Variants in ADCY2 observed in about 807,000 individuals in gnomAD.
The protein encoded by ADCY2 is adenylate cyclase type 2.
A neutral mutation model predicts 125.2 loss-of-function variants in ADCY2; 31 were observed. The ratio of observed to expected loss-of-function variants is 0.25; its 90% confidence interval spans 0.19 to 0.33. The LOEUF (loss-of-function observed/expected upper bound fraction) is 0.33, where lower values mean the gene tolerates loss of function less well. Ranked by LOEUF, ADCY2 falls within the 10% of genes least tolerant of loss-of-function variation. ADCY2 has a pLI of 1.00. For missense variants in ADCY2, 904 were observed against 1,418.2 expected, an observed-to-expected ratio of 0.64 and a Z score of 5.82; for synonymous variants, 512 against 548.4, an observed-to-expected ratio of 0.93 and a Z score of 0.93.
In ADCY2 at chr5:7,472,993, G is replaced by C. The variant is rs375022466; in HGVS notation, c.409-47745G>C. 4.0e-5 allele frequency among the ~76,000 whole-genome samples: 6 copies of C among 151,886 alleles called. No homozygotes were observed. The East Asian group carries it at 1.2e-3, about 30-fold the overall frequency. The stretch of plus-strand genomic sequence containing the variant: ...AGCCCAATAGTGGGTCTCAGAGGAG[G>C]GGGATTCTTTGTTGTACTGGCCCTG... On this transcript the variant is annotated intron_variant, in intron 2 of 24. Transcript: ENST00000338316.
intron 3 of ADCY2, among the ~76,000 whole-genome samples, chr5:7,608,199 A>G (rs1166629381): frequency 6.6e-6 from 1 of 152,238 alleles, no homozygotes; most frequent in African/African-American, 2.4e-5. Context: ...TTATGAAACT[A>G]CCTCTTAAAT....
intron 22 of ADCY2, among the ~76,000 whole-genome samples, chr5:7,806,742 G>T (rs1744773040): frequency 6.6e-6 from 1 of 152,186 alleles, no homozygotes; most frequent in Non-Finnish European, 1.5e-5. Flanking sequence ...TCTGTCTTCA[G>T]TACAGTCACC....
At chr5:7,784,531 ATCT>A (rs1744025355) in intron 19 of ADCY2, 82 bp downstream of exon 19, 2 of 1,015,354 alleles carry the variant, frequency 2.0e-6, no homozygotes, top group South Asian at 1.5e-5. Context: ...ATTGTAGTTA[ATCT>A]TCTTGGAAAC....
chr5:7,583,546 A>G (rs1340723254), intron 3 of ADCY2, among the ~76,000 whole-genome samples: 1 of 152,100 alleles, frequency 6.6e-6, no homozygotes, highest in Non-Finnish European at 1.5e-5. Context: ...GCAAATTGAA[A>G]CCAGAATGAG....
intron 16 of ADCY2, among the ~76,000 whole-genome samples, chr5:7,759,814 GGGCTCA>G (rs1743136191): frequency 6.6e-6 from 1 of 152,022 alleles, no homozygotes; most frequent in Non-Finnish European, 1.5e-5. Flanking sequence ...AGAAACGCCA[GGGCTCA>G]GGTGGAGACC....
At chr5:7,443,033 C>T (rs1412316182) in intron 2 of ADCY2, among the ~76,000 whole-genome samples, 1 of 152,186 alleles carries the variant, frequency 6.6e-6, no homozygotes, top group Non-Finnish European at 1.5e-5. Flanking sequence ...CATCCTTGGA[C>T]ACAGCCTGTT....
chr5:7,695,770 C>G lies in ADCY2; in HGVS notation c.888C>G (p.Ile296Met), dbSNP rs200439471. 1.2e-6 allele frequency: 2 copies of G among 1,611,998 alleles called. No homozygotes were observed. Among genetic ancestry groups the G allele is most frequent in the Non-Finnish European group, 1.7e-6 (2 of 1,178,898 alleles). The change falls in exon 6 of 25, where the codon ATC (isoleucine) becomes ATG (methionine). Residue 296 changes from isoleucine (I) to methionine (M), a missense_variant. Transcript: ENST00000338316. ...CCCACAGCATCTTATACGCTGACAT[C>G]GTTGGCTTTACCCGGCTGGCAAGTG... Reference protein sequence around the residue: ...HTNVSILYADIVGFTRLASDC... With the variant: ...HTNVSILYADMVGFTRLASDC...
chr5:7,421,288 C>T (rs1243399325), intron 2 of ADCY2, among the ~76,000 whole-genome samples: 1 of 152,186 alleles, frequency 6.6e-6, no homozygotes, highest in East Asian at 1.9e-4. Context: ...CTCTGGAGGT[C>T]AGAAGTCTGC....
intron 19 of ADCY2, among the ~76,000 whole-genome samples, chr5:7,787,405 C>T (rs1396349456): frequency 2.0e-5 from 3 of 152,200 alleles, no homozygotes; most frequent in Non-Finnish European, 2.9e-5. Flanking sequence ...ATCCTGAGAT[C>T]TTTAACTGAA....
intron 2 of ADCY2, among the ~76,000 whole-genome samples, chr5:7,489,027 C>T (rs980963858): frequency 1.3e-5 from 2 of 152,146 alleles, no homozygotes; most frequent in African/African-American, 2.4e-5. Context: ...CTGCCTTCTC[C>T]CCAGTTTACC....
intron 4 of ADCY2, among the ~76,000 whole-genome samples, chr5:7,633,459 T>C (rs577444882): frequency 2.0e-5 from 3 of 150,978 alleles, no homozygotes; most frequent in South Asian, 4.2e-4. Flanking sequence ...AGAAAAAATA[T>C]AGACATTTTG....
chr5:7,398,151 G>T (rs1739130891), intron 1 of ADCY2, among the ~76,000 whole-genome samples: 1 of 152,138 alleles, frequency 6.6e-6, no homozygotes, highest in Non-Finnish European at 1.5e-5. Flanking sequence ...ACCTGCTCTG[G>T]CTTGTTCTCT....
At chr5:7,457,091 A>G (rs756696593) in intron 2 of ADCY2, among the ~76,000 whole-genome samples, 1 of 152,180 alleles carries the variant, frequency 6.6e-6, no homozygotes, top group Non-Finnish European at 1.5e-5. Context: ...AACTCTACAG[A>G]TGGTCCTAAT....
chr5:7,814,953 C>A (rs945259888), intron 22 of ADCY2, among the ~76,000 whole-genome samples: 1 of 152,222 alleles, frequency 6.6e-6, no homozygotes, highest in Non-Finnish European at 1.5e-5. Flanking sequence ...TCCCCTCCCC[C>A]CGACCCATGT....
At chr5:7,526,102 C>A (rs1226992467) in intron 3 of ADCY2, among the ~76,000 whole-genome samples, 1 of 152,234 alleles carries the variant, frequency 6.6e-6, no homozygotes, top group Non-Finnish European at 1.5e-5. Flanking sequence ...TGTGGGGCTG[C>A]CCCGTGCCTA....
At chr5:7,484,959 C>T (rs904739970) in intron 2 of ADCY2, among the ~76,000 whole-genome samples, 2 of 152,074 alleles carry the variant, frequency 1.3e-5, no homozygotes, top group African/African-American at 2.4e-5. Flanking sequence ...CCCAGTCTTC[C>T]GTAGACCCCA....
At chr5:7,623,508 G>A (rs1738024664) in intron 3 of ADCY2, among the ~76,000 whole-genome samples, 1 of 152,156 alleles carries the variant, frequency 6.6e-6, no homozygotes, top group African/African-American at 2.4e-5. Context: ...CATTGGACAC[G>A]GTGCTGAAAT....
chr5:7,824,809 G>A (rs1745414078), intron 24 of ADCY2, among the ~76,000 whole-genome samples: 2 of 152,194 alleles, frequency 1.3e-5, no homozygotes, highest in Admixed American at 1.3e-4. Flanking sequence ...CTGGTTCTGG[G>A]CGTCCCTGGA....
At chr5:7,442,535 G>T (rs1304644023) in intron 2 of ADCY2, among the ~76,000 whole-genome samples, 1 of 152,146 alleles carries the variant, frequency 6.6e-6, no homozygotes, top group Non-Finnish European at 1.5e-5. Context: ...TTCTGTCCCA[G>T]TCTTCCTGGG....
Sources: allele counts gnomAD v4.1 joint callset (sites outside exome capture counted in the v4.1 genomes callset), GRCh38; gene constraint gnomAD v4.1.1; transcripts MANE v1.5; gene names NCBI Gene and HGNC (gene_info 2026-07-23, HGNC 2026-07-21).